ATIC: variants seen among roughly 807,000 people sequenced by gnomAD.
ATIC encodes the protein 5-aminoimidazole-4-carboxamide ribonucleotide formyltransferase/IMP cyclohydrolase.
In ATIC, 64 loss-of-function variants were observed where a neutral mutation model predicts 72.5. That is an observed-to-expected ratio of 0.88 (90% CI 0.72 to 1.09). The LOEUF (loss-of-function observed/expected upper bound fraction) is 1.09, where lower values mean the gene tolerates loss of function less well. Ranked by LOEUF, ATIC falls within the 50% of genes least tolerant of loss-of-function variation. The pLI is 0.00. For missense variants in ATIC, 787 were observed against 732.4 expected (o/e 1.07, Z -0.86); for synonymous variants, 281 against 267.1 (o/e 1.05, Z -0.51).
intron 4 of ATIC, among the ~76,000 whole-genome samples, chr2:215,324,050 CCTT>C (rs2052797025): frequency 6.6e-6 from 1 of 152,170 alleles, no homozygotes; most frequent in Non-Finnish European, 1.5e-5. Flanking sequence ...GCGTGCGCCA[CCTT>C]GCCCGGCTAA....
At chr2:215,363,363 T>C in the ATIC span, 36 of 149,570 alleles carry the variant, frequency 2.4e-4, no homozygotes, top group East Asian at 7.4e-3. Flanking sequence ...TCACAGTCGT[T>C]GTAAGTGTTA....
chr2:215,333,413 A>C lies in ATIC; in HGVS notation c.878A>C (p.Tyr293Ser), dbSNP rs1559274308. ...EAKVCMVYDL[Y>S]KTLTPISAAY... ...AAAGTCTGCATGGTTTATGATCTCT[A>C]TAAAACCCTCACACCCATCTCAGCG... Residue 293 changes from tyrosine to serine, a missense_variant, in exon 9 of 16, where the codon TAT becomes TCT. Tyr to Ser is a moderately radical substitution (Grantham distance 144, BLOSUM62 -2). Coordinates refer to ENST00000236959, the MANE Select transcript of ATIC (RefSeq NM_004044.7). The C allele has an allele frequency of 6.2e-7, 1 of 1,614,176 alleles. No homozygotes were observed.
chr2:215,325,436 A>G, intron 5 of ATIC, 107 bp downstream of exon 5: 1 of 815,196 alleles, frequency 1.2e-6, no homozygotes, highest in Non-Finnish European at 2.0e-6. Flanking sequence ...GAAAATAGCT[A>G]CTTCTGGATT....
intron 12 of ATIC, among the ~76,000 whole-genome samples, chr2:215,342,729 G>A (rs1484093437): frequency 6.6e-6 from 1 of 152,208 alleles, no homozygotes; most frequent in African/African-American, 2.4e-5. Context: ...GTCCAGGCTG[G>A]AGTGCAATGG....
chr2:215,341,237 CT>C (rs1385147721), intron 12 of ATIC, among the ~76,000 whole-genome samples: 1 of 152,166 alleles, frequency 6.6e-6, no homozygotes, highest in Non-Finnish European at 1.5e-5. Flanking sequence ...ATAGAAATAT[CT>C]TTCAGCCCTT....
At chr2:215,336,246 C>G in intron 11 of ATIC, 122 bp downstream of exon 11, 1 of 786,924 alleles carries the variant, frequency 1.3e-6, no homozygotes. Context: ...GTTTATTTTC[C>G]CCAATCCTGC....
chr2:215,338,015 T>C (rs2052975681), intron 11 of ATIC, among the ~76,000 whole-genome samples: 1 of 152,328 alleles, frequency 6.6e-6, no homozygotes, highest in Admixed American at 6.5e-5. Context: ...AGGAACATTT[T>C]AGAATTCAAG....
the ATIC span, chr2:215,365,806 A>AT: frequency 1.3e-4 from 34 of 251,970 alleles, no homozygotes; most frequent in Middle Eastern, 1.3e-3. Flanking sequence ...TTTACTTTTT[A>AT]TTTTTTTTTT....
intron 6 of ATIC, among the ~76,000 whole-genome samples, 175 bp from the exon 7 acceptor site, chr2:215,326,647 G>T (rs1219185690): frequency 1.3e-5 from 2 of 151,954 alleles, no homozygotes; most frequent in Non-Finnish European, 2.9e-5. Context: ...ATTGGAAAGG[G>T]GTAATTTGTT....
intron 8 of ATIC, among the ~76,000 whole-genome samples, chr2:215,332,798 A>G (rs1437812128): frequency 6.6e-6 from 1 of 152,202 alleles, no homozygotes; most frequent in Admixed American, 6.5e-5. Context: ...CTTGTGCCAC[A>G]TCTTTGAAAA....
At chr2:215,361,862 T>G in the ATIC span, 7 of 961,128 alleles carry the variant, frequency 7.3e-6, no homozygotes, top group Admixed American at 3.1e-5. Flanking sequence ...TTATGAGTTG[T>G]TTTTTTTTTT....
At chr2:215,330,804 A>G (rs1208903183) in intron 7 of ATIC, among the ~76,000 whole-genome samples, 1 of 150,364 alleles carries the variant, frequency 6.7e-6, no homozygotes, top group African/African-American at 2.5e-5. Context: ...TTGGCCTCTC[A>G]AGTAGCTGGG....
chr2:215,348,257 A>G (rs937587022), intron 14 of ATIC, among the ~76,000 whole-genome samples: 1 of 152,220 alleles, frequency 6.6e-6, no homozygotes, highest in Admixed American at 6.5e-5. Context: ...CTTTACATTT[A>G]GAATAATTTT....
intron 2 of ATIC, 127 bp downstream of exon 2, chr2:215,312,751 C>G: frequency 7.0e-7 from 1 of 1,421,218 alleles, no homozygotes; most frequent in East Asian, 2.4e-5. Flanking sequence ...TGGTGTAATA[C>G]TTCCCCACTT....
the ATIC span, chr2:215,362,365 A>T: frequency 3.7e-4 from 158 of 427,136 alleles, no homozygotes; most frequent in Admixed American, 2.2e-3. Flanking sequence ...GGCTCATTCC[A>T]ATCCCAACTT....
chr2:215,361,523 A>G, the ATIC span: 6 of 1,444,064 alleles, frequency 4.2e-6, no homozygotes, highest in African/African-American at 7.0e-5. Flanking sequence ...TGGCAGAGAG[A>G]CATGCTTGTT....
chr2:215,356,838 G>A, the ATIC span, among the ~76,000 whole-genome samples: 1 of 152,128 alleles, frequency 6.6e-6, no homozygotes, highest in Non-Finnish European at 1.5e-5. Context: ...TTCATTAGTC[G>A]ATGGACATTG....
chr2:215,352,250 G>A (rs1373226788), downstream of ATIC, among the ~76,000 whole-genome samples: 1 of 152,174 alleles, frequency 6.6e-6, no homozygotes, highest in Non-Finnish European at 1.5e-5. Flanking sequence ...GGGAAATTAG[G>A]TGTGATGTAT....
intron 8 of ATIC, among the ~76,000 whole-genome samples, chr2:215,332,960 A>G (rs1239407360): frequency 6.6e-6 from 1 of 152,202 alleles, no homozygotes; most frequent in Non-Finnish European, 1.5e-5. Flanking sequence ...GTCCTCCAGC[A>G]CATGATTTGT....
Sources: gnomAD v4.1 joint callset for allele counts (sites outside exome capture counted in the v4.1 genomes callset) on GRCh38, gnomAD v4.1.1 for gene constraint, MANE v1.5 for transcripts, NCBI Gene and HGNC (gene_info 2026-07-23, HGNC 2026-07-21) for gene names.